Variants in PCDHA10 observed in about 807,000 individuals in gnomAD.
The protein encoded by PCDHA10 is protocadherin alpha-10.
In PCDHA10, 45 loss-of-function variants were observed where a neutral mutation model predicts 61.2. That is an observed-to-expected ratio of 0.74 (90% CI 0.58 to 0.94). The LOEUF is 0.94. Among genes scored for constraint, PCDHA10 ranks in the 40% least tolerant of loss-of-function variants. The probability of loss-of-function intolerance (pLI) is 0.00; values close to 1 mark genes in which losing one functional copy is unlikely to be tolerated. For missense variants in PCDHA10, 1,278 were observed against 1,236.2 expected, an observed-to-expected ratio of 1.03 and a Z score of -0.51; for synonymous variants, 602 against 548.8, an observed-to-expected ratio of 1.10 and a Z score of -1.35.
At chr5:140,972,909 G>T (rs999939821) in intron 1 of PCDHA10, among the ~76,000 whole-genome samples, 18 of 151,942 alleles carry the variant, frequency 1.2e-4, no homozygotes, top group African/African-American at 4.4e-4. Flanking sequence ...TGATCCACCC[G>T]CCTTGGCCTC....
chr5:140,960,740 C>T (rs949372581), intron 1 of PCDHA10, among the ~76,000 whole-genome samples: 1 of 151,868 alleles, frequency 6.6e-6, no homozygotes, highest in South Asian at 2.1e-4. Flanking sequence ...GATTTTAGTC[C>T]ATGGCTAAAA....
At chr5:140,891,317 C>A (rs2063039508) in intron 1 of PCDHA10, among the ~76,000 whole-genome samples, 1 of 151,808 alleles carries the variant, frequency 6.6e-6, no homozygotes, top group South Asian at 2.1e-4. Context: ...TGAGTAAGTT[C>A]TTTGGTGGTG....
chr5:140,948,937 T>C (rs1309849094), intron 1 of PCDHA10, among the ~76,000 whole-genome samples: 1 of 134,978 alleles, frequency 7.4e-6, no homozygotes, highest in African/African-American at 2.6e-5. Context: ...ACATTTCTTC[T>C]AATATAAAAA....
chr5:140,908,399 C>T (rs180728730), intron 1 of PCDHA10, among the ~76,000 whole-genome samples: 51 of 152,258 alleles, frequency 3.3e-4, no homozygotes, highest in African/African-American at 9.9e-4. Flanking sequence ...ACATATATAC[C>T]ACTTCCATTT....
chr5:140,973,134 C>T (rs999970948), intron 1 of PCDHA10, among the ~76,000 whole-genome samples: 6 of 152,182 alleles, frequency 3.9e-5, no homozygotes, highest in Admixed American at 6.5e-5. Flanking sequence ...AGTTTGCATT[C>T]ACTTTCACTT....
chr5:140,935,852 CTT>C (rs1267620281), intron 1 of PCDHA10, among the ~76,000 whole-genome samples: 2 of 149,326 alleles, frequency 1.3e-5, no homozygotes, highest in African/African-American at 4.9e-5. Context: ...TTAATGGTGT[CTT>C]TTGATTAGCA....
At chr5:140,944,241 G>A (rs2093630107) in intron 1 of PCDHA10, among the ~76,000 whole-genome samples, 1 of 152,196 alleles carries the variant, frequency 6.6e-6, no homozygotes, top group African/African-American at 2.4e-5. Context: ...AGGCTGGAGT[G>A]CAGTGATGTG....
chr5:140,928,998 CGT>C, intron 1 of PCDHA10: 1 of 1,613,902 alleles, frequency 6.2e-7, no homozygotes. Flanking sequence ...TACTTTTCTT[CGT>C]GTGTACCAAG....
chr5:140,993,949 T>C (rs1330727166), intron 3 of PCDHA10, among the ~76,000 whole-genome samples: 1 of 152,204 alleles, frequency 6.6e-6, no homozygotes, highest in Non-Finnish European at 1.5e-5. Flanking sequence ...TGTTAAGTGA[T>C]ACATGACTGT....
chr5:140,985,236 C>G (rs1338808702), intron 3 of PCDHA10, among the ~76,000 whole-genome samples: 1 of 152,184 alleles, frequency 6.6e-6, no homozygotes, highest in Admixed American at 6.5e-5. Context: ...CGCGCCTGGC[C>G]TAATCTTCTT....
At chr5:140,976,884 A>T (rs1423993981) in intron 1 of PCDHA10, among the ~76,000 whole-genome samples, 1 of 152,232 alleles carries the variant, frequency 6.6e-6, no homozygotes, top group Non-Finnish European at 1.5e-5. Context: ...AAGAATTAGG[A>T]TACATGCAAC....
chr5:140,884,573 C>T, intron 1 of PCDHA10: 1 of 1,614,170 alleles, frequency 6.2e-7, no homozygotes, highest in Non-Finnish European at 8.5e-7. Flanking sequence ...TAAGACGGAC[C>T]TCATGGCCTT....
chr5:140,862,756 G>C (rs1027587772), intron 1 of PCDHA10: 46 of 577,592 alleles, frequency 8.0e-5, no homozygotes, highest in Non-Finnish European at 1.4e-4. Context: ...CGCGGAGAGC[G>C]GCAAGAGGTA....
At chr5:140,997,098 C>T (rs1328956245) in intron 3 of PCDHA10, among the ~76,000 whole-genome samples, 12 of 152,128 alleles carry the variant, frequency 7.9e-5, no homozygotes, top group Admixed American at 5.2e-4. Context: ...GCAGAGTTCT[C>T]ATGCACTCCT....
At chr5:140,888,309 C>T (rs1175163005) in intron 1 of PCDHA10, among the ~76,000 whole-genome samples, 1 of 152,138 alleles carries the variant, frequency 6.6e-6, no homozygotes, top group Admixed American at 6.5e-5. Context: ...GATAATTTGG[C>T]AATGCCTGGA....
At chr5:140,913,619 G>A (rs188632685) in intron 1 of PCDHA10, among the ~76,000 whole-genome samples, 1 of 151,848 alleles carries the variant, frequency 6.6e-6, no homozygotes, top group Non-Finnish European at 1.5e-5. Context: ...TACTAATTTT[G>A]GATTCAGTTT....
chr5:141,006,388 A>AT (rs2098271631), intron 3 of PCDHA10, among the ~76,000 whole-genome samples: 1 of 151,322 alleles, frequency 6.6e-6, no homozygotes, highest in African/African-American at 2.4e-5. Flanking sequence ...AGTTTTTTCT[A>AT]TTTTTTAGTA....
chr5:141,006,843 T>A (rs2098291274), intron 3 of PCDHA10, among the ~76,000 whole-genome samples: 1 of 152,154 alleles, frequency 6.6e-6, no homozygotes, highest in Non-Finnish European at 1.5e-5. Context: ...TTACTGAAAC[T>A]GGAAAGATTT....
chr5:140,857,944 G>C lies in PCDHA10; in HGVS notation c.1896G>C (p.Thr632=). The part of the protein sequence containing the change: ...RVGLYTGEIS[T]TRALDETDSP... The stretch of plus-strand genomic sequence containing the variant: ...GGCTGTACACGGGCGAGATCAGTAC[G>C]ACGCGCGCTCTGGATGAGACTGACT... Residue 632 remains threonine, a synonymous_variant, in exon 1 of 4, where the codon ACG becomes ACC. Transcript: ENST00000307360. 6.3e-7 allele frequency: 1 copy of C among 1,597,474 alleles called. No homozygotes were observed. The highest frequency in any genetic ancestry group is 1.1e-5 in the South Asian group (1 of 90,482).
Sources: allele counts gnomAD v4.1 joint callset (sites outside exome capture counted in the v4.1 genomes callset), GRCh38; gene constraint gnomAD v4.1.1; transcripts MANE v1.5; gene names NCBI Gene and HGNC (gene_info 2026-07-23, HGNC 2026-07-21).